Variants in RBM42 observed in about 807,000 individuals in gnomAD.
RBM42 encodes RNA binding motif protein 42.
In RBM42, 21 loss-of-function variants were observed where a neutral mutation model predicts 41.4. The ratio of observed to expected loss-of-function variants is 0.51; its 90% CI spans 0.36 to 0.73. RBM42 has a LOEUF of 0.73. Among genes scored for constraint, RBM42 ranks in the 30% least tolerant of loss-of-function variants. The probability of loss-of-function intolerance (pLI) is 0.00; values close to 1 mark genes in which losing one functional copy is unlikely to be tolerated. For missense variants in RBM42, 539 were observed against 680.4 expected (o/e 0.79, Z 2.31); for synonymous variants, 272 against 271.2 (o/e 1.00, Z -0.03).
chr19:35,637,091 G>T lies in RBM42; in HGVS notation c.1136-67G>T. ...TAGATACCTCCGAAAAGGTGGGATC[G>T]TTCAGACAAGGTAGACACTGGGCAA... is the stretch of plus-strand genomic sequence containing the variant. On this transcript the variant is annotated intron_variant, in intron 8 of 9. Coordinates refer to ENST00000262633, the MANE Select transcript of RBM42 (RefSeq NM_024321.5). The surrounding 1 kb of genome is among the most constrained non-coding windows in gnomAD (Gnocchi z 7.0). 2.1e-6 allele frequency: 3 copies of T among 1,451,614 alleles called. No homozygotes were observed. Among genetic ancestry groups the T allele is most frequent in the Non-Finnish European group, 2.8e-6 (3 of 1,065,914 alleles). 89.9% of individuals were successfully genotyped at this position (1,451,614 alleles called of 1,614,324 possible). A position where few individuals can be genotyped will look rare whatever the true frequency, so the allele number is the denominator to read the frequency against.
rs1967356683 is a variant in RBM42 at position 35,629,067 on chromosome 19, C to G, written c.-87C>G. On this transcript the variant is annotated 5_prime_UTR_variant, in exon 1 of 10. Coordinates refer to ENST00000262633, the MANE Select transcript of RBM42 (RefSeq NM_024321.5). ...GCTGGACGTCATCCTCGGGAGCCCA[C>G]CCGGACGAAGGGGGAGAGTAGACAG... 6.9e-7 allele frequency: 1 copy of G among 1,448,328 alleles called. No homozygotes were observed. The highest frequency in any genetic ancestry group is 9.1e-7 in the Non-Finnish European group (1 of 1,103,666). 89.7% of individuals were successfully genotyped at this position (1,448,328 alleles called of 1,614,324 possible).
At position 35,637,563 on chromosome 19, in the gene RBM42, G is replaced by C. The variant is rs772993713; in HGVS notation, c.*9G>C. 1.2e-6 allele frequency: 2 copies of C among 1,611,334 alleles called. No homozygotes were observed. Among genetic ancestry groups the C allele is most frequent in the African/African-American group, 2.7e-5 (2 of 74,842 alleles). On this transcript the variant is annotated 3_prime_UTR_variant, in exon 10 of 10. Transcript: ENST00000262633. This position sits in a 1 kb window ranked among gnomAD's most constrained non-coding sequence, Gnocchi z 7.0. ...AGCTGGGCCTGAGATAGGGTCTGTG[G>C]CCAGGCACCCGCTCCCACCTGGCCG...
At position 35,634,512 on chromosome 19, in the gene RBM42, A is replaced by G. The variant is rs1245811014; in HGVS notation, c.1135+139A>G. 12 of 613,776 alleles carry G rather than the reference A, an allele frequency of 2.0e-5. No individual in the cohort carries two copies. In the East Asian group the frequency reaches 3.1e-4, roughly 16 times the overall value. 38.0% of individuals were successfully genotyped at this position (613,776 alleles called of 1,614,324 possible). ...TAGCCCACCTTGGGGAGGGGAGGCTATGGCTCAGGGGCTGGTTCTTCACCT... is the reference window on the plus strand; with the variant it reads ...TAGCCCACCTTGGGGAGGGGAGGCTGTGGCTCAGGGGCTGGTTCTTCACCT... On this transcript the variant is annotated intron_variant, in intron 8 of 9. Coordinates refer to ENST00000262633, the MANE Select transcript of RBM42 (RefSeq NM_024321.5).
rs757782995 is a variant in RBM42 at position 35,633,260 on chromosome 19, T to G, written c.684+8T>G. The G allele has an allele frequency of 6.4e-7, 1 of 1,560,298 alleles. No individual in the cohort carries two copies. Among genetic ancestry groups the G allele is most frequent in the Non-Finnish European group, 8.6e-7 (1 of 1,157,272 alleles). ...GCACTGAGGCCCCCTCTGGTGAGTGTGAACAGGGAACTAACGGTCAGATGT... is the reference window on the plus strand; with the variant it reads ...GCACTGAGGCCCCCTCTGGTGAGTGGGAACAGGGAACTAACGGTCAGATGT... On this transcript the variant is annotated splice_region_variant and intron_variant, in intron 6 of 9. Coordinates refer to ENST00000262633, the MANE Select transcript of RBM42 (RefSeq NM_024321.5).
In RBM42 at chr19:35,631,086, G is replaced by T. The variant is rs988020998; in HGVS notation, c.283-54G>T. The T allele has an allele frequency of 2.7e-6, 4 of 1,497,042 alleles. No individual in the cohort carries two copies. In the African/African-American group the frequency reaches 4.1e-5, roughly 15 times the overall value. The allele number at this position is 1,497,042 out of a possible 1,614,324, so 92.7% of individuals were successfully genotyped here. A position where few individuals can be genotyped will look rare whatever the true frequency, so the allele number is the denominator to read the frequency against. Reference sequence around the variant, plus strand: ...CTTGGTCTCTTGGGGTGAGCTGGCCGCAGCAGATGGGAATGCTGAGTCAGG... The same window carrying T: ...CTTGGTCTCTTGGGGTGAGCTGGCCTCAGCAGATGGGAATGCTGAGTCAGG... On this transcript the variant is annotated intron_variant, in intron 2 of 9. Coordinates refer to ENST00000262633, the MANE Select transcript of RBM42 (RefSeq NM_024321.5).
rs2034799807 is a variant in RBM42, at chr19:35,637,226, A to G, written c.1204A>G (p.Ser402Gly). The G allele has an allele frequency of 1.2e-6, 2 of 1,614,198 alleles. No individual in the cohort carries two copies. The highest frequency in any genetic ancestry group is 1.7e-6 in the Non-Finnish European group (2 of 1,180,036). ...VNDDILARAF[S>G]RFPSFLKAKV... is the part of the protein sequence containing the mutation. ...CGATGACATCTTGGCACGCGCCTTC[A>G]GCCGCTTCCCATCCTTCCTTAAGGC... The change falls in exon 9 of 10, where the codon AGC (serine) becomes GGC (glycine). Residue 402 changes from serine (S) to glycine (G), a missense_variant. Ser to Gly is a moderately conservative substitution (Grantham distance 56). Coordinates refer to ENST00000262633, the MANE Select transcript of RBM42 (RefSeq NM_024321.5). The surrounding 1 kb of genome is among the most constrained non-coding windows in gnomAD (Gnocchi z 7.0).
In RBM42 at chr19:35,637,315, C is replaced by T; in HGVS notation, c.1293C>T (p.Asp431=). ...TKGYGFVSFK[D]PSDYVRAMRE... Reference sequence around the variant, plus strand: ...GCTACGGCTTCGTCAGCTTCAAGGACCCCAGCGACTACGTGCGCGCCATGC... The same window carrying T: ...GCTACGGCTTCGTCAGCTTCAAGGATCCCAGCGACTACGTGCGCGCCATGC... The change falls in exon 9 of 10, where the codon GAC becomes GAT. Residue 431 remains aspartate (D), a synonymous_variant. Coordinates refer to ENST00000262633, the MANE Select transcript of RBM42 (RefSeq NM_024321.5). This position sits in a 1 kb window ranked among gnomAD's most constrained non-coding sequence, Gnocchi z 7.0. 3.7e-6 allele frequency: 6 copies of T among 1,614,248 alleles called. 1 individual carries two copies. Among genetic ancestry groups the T allele is most frequent in the South Asian group, 3.3e-5 (3 of 91,090 alleles).
chr19:35,631,503 C>T lies in RBM42; in HGVS notation c.442+98C>T, dbSNP rs1301860216. On this transcript the variant is annotated intron_variant, in intron 4 of 9. Transcript: ENST00000262633. ...ATCCTTGCTCTAAATTACCCTTTGC[C>T]TTTGATCCCAACTTGATGTTGTCAT... The T allele has an allele frequency of 2.7e-6, 3 of 1,122,440 alleles. No homozygotes were observed. The Admixed American group carries it at 6.5e-5, about 24-fold the overall frequency. The allele number at this position is 1,122,440 out of a possible 1,614,324, so 69.5% of individuals were successfully genotyped here.
chr19:35,634,924 G>A (rs569120430), intron 8 of RBM42, among the ~76,000 whole-genome samples: 3 of 152,148 alleles, frequency 2.0e-5, no homozygotes, highest in Admixed American at 6.5e-5. Context: ...TCCTCTTTGT[G>A]TATGTATCTG....
At position 35,634,380 on chromosome 19, in the gene RBM42, T is replaced by A; in HGVS notation, c.1135+7T>A. On this transcript the variant is annotated splice_region_variant and intron_variant, in intron 8 of 9. Coordinates refer to ENST00000262633, the MANE Select transcript of RBM42 (RefSeq NM_024321.5). ...CTGCTGGAGTGGGATGCAGGTAAGC[T>A]GCTGAAGCTCGAGGTCAGGCGTGGC... is the stretch of plus-strand genomic sequence containing the variant. The A allele has an allele frequency of 6.2e-7, 1 of 1,609,076 alleles. No homozygotes were observed.
chr19:35,633,926 C>T lies in RBM42; in HGVS notation c.924C>T (p.Leu308=). The T allele has an allele frequency of 6.3e-7, 1 of 1,586,170 alleles. No homozygotes were observed. Among genetic ancestry groups the T allele is most frequent in the South Asian group, 1.1e-5 (1 of 87,970 alleles). ...LPLPLEVVRG[L]LPPLRIPELL... ...TCCCGTTGGAGGTCGTCCGCGGCCTCCTGCCCCCGCTGCGCATTCCTGAAC... is the reference window on the plus strand; with the variant it reads ...TCCCGTTGGAGGTCGTCCGCGGCCTTCTGCCCCCGCTGCGCATTCCTGAAC... The change falls in exon 7 of 10, where the codon CTC becomes CTT. Residue 308 remains leucine (L), a synonymous_variant. Transcript: ENST00000262633.
At position 35,629,601 on chromosome 19, in the gene RBM42, C is replaced by T. The variant is rs1035749593; in HGVS notation, c.210C>T (p.Pro70=). 1.2e-6 allele frequency: 2 copies of T among 1,614,234 alleles called. No individual in the cohort carries two copies. The highest frequency in any genetic ancestry group is 1.7e-6 in the Non-Finnish European group (2 of 1,180,044). The change falls in exon 2 of 10, where the codon CCC becomes CCT. Residue 70 remains proline, a synonymous_variant. Transcript: ENST00000262633. The part of the protein sequence containing the change: ...VPAVPTVPTV[P]TVEAMQVPAA... ...CGGTGCCCACTGTCCCCACGGTCCC[C>T]ACAGTAGAAGCGATGCAGGTCCCAG...
At chr19:35,634,171 C>T (rs1408238800) in intron 7 of RBM42, 85 bp from the exon 8 acceptor site, 15 of 1,560,326 alleles carry the variant, frequency 9.6e-6, no homozygotes, top group Non-Finnish European at 1.3e-5. Flanking sequence ...CCAGCCCTTA[C>T]TGTGGTGGCA....
Position 35,629,079 on chromosome 19 carries a change from G to C in RBM42, c.-75G>C. 1 of 1,460,186 alleles carries C rather than the reference G, an allele frequency of 6.8e-7. No individual in the cohort carries two copies. Among genetic ancestry groups the C allele is most frequent in the African/African-American group, 1.4e-5 (1 of 69,300 alleles). 90.5% of individuals were successfully genotyped at this position (1,460,186 alleles called of 1,614,324 possible). ...CCTCGGGAGCCCACCCGGACGAAGG[G>C]GGAGAGTAGACAGCAGAACCAGCGG... On this transcript the variant is annotated 5_prime_UTR_variant, in exon 1 of 10. Transcript: ENST00000262633.
chr19:35,630,995 C>T (rs1022663974), intron 2 of RBM42, 145 bp from the exon 3 acceptor site: 8 of 703,072 alleles, frequency 1.1e-5, no homozygotes, highest in Admixed American at 9.3e-5. Context: ...AAAGCCTCCC[C>T]GAGAAGTGGC....
In RBM42 at chr19:35,633,150, C is replaced by G; in HGVS notation, c.582C>G (p.Gly194=). ...ALRPPHQALV[G]PPLPGPPGPP... is the part of the protein sequence containing the mutation. ...GGCCCCCTCACCAGGCCCTCGTGGG[C>G]CCCCCTCTGCCTGGGCCCCCTGGAC... Residue 194 remains glycine (G), a synonymous_variant, in exon 6 of 10, where the codon GGC becomes GGG. Coordinates refer to ENST00000262633, the MANE Select transcript of RBM42 (RefSeq NM_024321.5). The G allele has an allele frequency of 6.4e-7, 1 of 1,567,150 alleles. No homozygotes were observed. The highest frequency in any genetic ancestry group is 8.8e-7 in the Non-Finnish European group (1 of 1,137,606).
At chr19:35,635,240 C>T (rs1442119468) in intron 8 of RBM42, among the ~76,000 whole-genome samples, 3 of 148,810 alleles carry the variant, frequency 2.0e-5, no homozygotes, top group African/African-American at 7.5e-5. Flanking sequence ...CGCCTGAACC[C>T]AGGAGGCAGA....
In RBM42 at chr19:35,629,208, C is replaced by T; in HGVS notation, c.55C>T (p.Pro19Ser). 2 of 1,537,066 alleles carry T rather than the reference C, an allele frequency of 1.3e-6. No homozygotes were observed. Among genetic ancestry groups the T allele is most frequent in the Non-Finnish European group, 1.7e-6 (2 of 1,144,738 alleles). ...GLPGAGGPVV[P>S]GPGAGIPGKS... ...CCCGGGTGCAGGAGGACCCGTGGTC[C>T]CGGGTCCTGGCGCTGGCATCCCGGG... is the stretch of plus-strand genomic sequence containing the variant. Residue 19 changes from proline to serine, a missense_variant, in exon 1 of 10, where the codon CCG (proline) becomes TCG (serine). By Grantham distance (74) the Pro-to-Ser change is moderately conservative. Around this residue, in one of 2 missense-constraint regions of RBM42, gnomAD observed 429 missense variants for 488.9 expected, o/e 0.88. Transcript: ENST00000262633.
At chr19:35,631,655 C>A in intron 4 of RBM42, 1 of 559,884 alleles carries the variant, frequency 1.8e-6, no homozygotes, top group Non-Finnish European at 3.2e-6. Flanking sequence ...CACCTCATAA[C>A]AAGCTATATA....
Sources: gnomAD v4.1 joint callset for allele counts (sites outside exome capture counted in the v4.1 genomes callset) on GRCh38, gnomAD v4.1.1 for gene constraint, gnomAD v4.1.1 regional missense constraint, Gnocchi (gnomAD v3.1) non-coding constraint, MANE v1.5 for transcripts, NCBI Gene and HGNC (gene_info 2026-07-23, HGNC 2026-07-21) for gene names.